The following ABCG1 variants were observed in gnomAD, a reference collection of about 807,000 sequenced individuals.
ABCG1 encodes ATP binding cassette subfamily G member 1.
Under a neutral mutation model 69.2 loss-of-function variants are expected in ABCG1, and 29 were observed. The observed-to-expected ratio is 0.42, with a 90% CI of 0.31 to 0.57. The LOEUF is 0.57. Ranked by LOEUF, ABCG1 falls within the 20% of genes least tolerant of loss-of-function variation. ABCG1 has a pLI of 0.15. For synonymous variants in ABCG1, 370 were observed against 374.8 expected (o/e 0.99, Z 0.15); for missense variants, 718 against 898.1 (o/e 0.80, Z 2.56).
At position 42,291,762 on chromosome 21, in the gene ABCG1, G is replaced by T; in HGVS notation, c.1653+106G>T. On this transcript the variant is annotated intron_variant, in intron 13 of 14. Transcript: ENST00000398449. The surrounding 1 kb of genome is among the most constrained non-coding windows in gnomAD (Gnocchi z 6.4). ...CCACCCCTTCCCCTACTTCTGCCCTGACCCTCCTAGATGGGGTCGTTCCCA... is the reference window on the plus strand; with the variant it reads ...CCACCCCTTCCCCTACTTCTGCCCTTACCCTCCTAGATGGGGTCGTTCCCA... 1 of 1,327,500 alleles carries T rather than the reference G, an allele frequency of 7.5e-7. No individual in the cohort carries two copies. Among genetic ancestry groups the T allele is most frequent in the South Asian group, 1.5e-5 (1 of 65,384 alleles). 82.2% of individuals were successfully genotyped at this position (1,327,500 alleles called of 1,614,324 possible). A position where few individuals can be genotyped will look rare whatever the true frequency, so the allele number is the denominator to read the frequency against.
chr21:42,205,620 A>G (rs2067537096), intron 2 of ABCG1, among the ~76,000 whole-genome samples: 1 of 151,432 alleles, frequency 6.6e-6, no homozygotes, highest in Non-Finnish European at 1.5e-5. Context: ...AGAAAGAAAG[A>G]AAAACAATTT....
rs750365505 is a variant in ABCG1 at position 42,288,102 on chromosome 21, G to T, written c.1122+65G>T. 2 of 1,607,004 alleles carry T rather than the reference G, an allele frequency of 1.2e-6. No individual in the cohort carries two copies. Among genetic ancestry groups the T allele is most frequent in the African/African-American group, 2.7e-5 (2 of 74,890 alleles). Reference sequence around the variant, plus strand: ...ATGCAAATCCCGAAGCCCCCTGGGGGAGGCTGCACGTGGCACCGTGCACTG... The same window carrying T: ...ATGCAAATCCCGAAGCCCCCTGGGGTAGGCTGCACGTGGCACCGTGCACTG... On this transcript the variant is annotated intron_variant, in intron 9 of 14. Transcript: ENST00000398449. This position sits in a 1 kb window ranked among gnomAD's most constrained non-coding sequence, Gnocchi z 4.8.
In ABCG1 at chr21:42,296,062, G is replaced by T. The variant is rs929772774; in HGVS notation, c.1773-102G>T. The T allele has an allele frequency of 1.4e-4, 134 of 986,738 alleles. No homozygotes were observed. The highest frequency in any genetic ancestry group is 1.9e-4 in the Non-Finnish European group (122 of 631,458). 61.1% of individuals were successfully genotyped at this position (986,738 alleles called of 1,614,324 possible). A position where few individuals can be genotyped will look rare whatever the true frequency, so the allele number is the denominator to read the frequency against. On this transcript the variant is annotated intron_variant, in intron 14 of 14. Coordinates refer to ENST00000398449, the MANE Select transcript of ABCG1 (RefSeq NM_016818.3). This position sits in a 1 kb window ranked among gnomAD's most constrained non-coding sequence, Gnocchi z 5.4. ...GGCGGCCCTTTGGGAAGGGAGGATA[G>T]CCAAGCTGGGAATCGCAGGGAGGGT...
At chr21:42,279,442 G>T (rs2068767787) in intron 5 of ABCG1, among the ~76,000 whole-genome samples, 1 of 152,142 alleles carries the variant, frequency 6.6e-6, no homozygotes, top group Admixed American at 6.5e-5. Flanking sequence ...AGCACACGGG[G>T]GAGCCCTCCA....
In ABCG1 at chr21:42,290,192, C is replaced by T. The variant is rs772406417; in HGVS notation, c.1367C>T (p.Ala456Val). ...LFFSMLFLMF[A>V]ALMPTVLTFP... ...TTCTCCATGCTGTTCCTCATGTTCGCGGCCCTCATGCCTACTGTTCTGACA... is the reference window on the plus strand; with the variant it reads ...TTCTCCATGCTGTTCCTCATGTTCGTGGCCCTCATGCCTACTGTTCTGACA... The change falls in exon 11 of 15, where the codon GCG becomes GTG. Residue 456 changes from alanine (A) to valine (V), a missense_variant. Physicochemically the swap from Ala to Val is moderately conservative, Grantham distance 64. This residue lies in a region of ABCG1 where 204 missense variants were observed against 323.8 expected (regional missense o/e 0.63). Coordinates refer to ENST00000398449, the MANE Select transcript of ABCG1 (RefSeq NM_016818.3). 4.3e-6 allele frequency: 7 copies of T among 1,614,004 alleles called. No individual in the cohort carries two copies. The highest frequency in any genetic ancestry group is 1.7e-5 in the Admixed American group (1 of 59,978).
At chr21:42,290,965 C>T (rs765305501) in intron 11 of ABCG1, 127 bp from the exon 12 acceptor site, 7 of 663,444 alleles carry the variant, frequency 1.1e-5, no homozygotes, top group Non-Finnish European at 1.9e-5. Flanking sequence ...TCTGTTTGTT[C>T]AATCTCTCAG....
Position 42,289,074 on chromosome 21 carries a change from C to T in ABCG1, c.1224+762C>T, listed in dbSNP as rs148746265. On this transcript the variant is annotated intron_variant, in intron 10 of 14. Transcript: ENST00000398449. ...ATTACAATTTGACATGAGATTTGGG[C>T]GGGGACACAGACCCAAACCATATCA... Among the ~76,000 whole-genome samples the T allele has an allele frequency of 3.6e-3, 551 of 152,300 alleles. 1 individual carries two copies. Among genetic ancestry groups the T allele is most frequent in the African/African-American group, 0.013 (528 of 41,546 alleles).
chr21:42,287,948 C>A lies in ABCG1; in HGVS notation c.1033C>A (p.Arg345=). ...DQNSRLVRAV[R]EGMCDSDHKR... is the part of the protein sequence containing the mutation. ...GAACAGTCGGCTGGTGAGAGCGGTT[C>A]GGGAGGGCATGTGTGACTCAGACCA... is the stretch of plus-strand genomic sequence containing the variant. The change falls in exon 9 of 15, where the codon CGG becomes AGG. Residue 345 remains arginine, a synonymous_variant. Transcript: ENST00000398449. This position sits in a 1 kb window ranked among gnomAD's most constrained non-coding sequence, Gnocchi z 6.2. The A allele has an allele frequency of 6.2e-7, 1 of 1,613,382 alleles. No individual in the cohort carries two copies. Among genetic ancestry groups the A allele is most frequent in the Non-Finnish European group, 8.5e-7 (1 of 1,179,622 alleles).
chr21:42,201,363 G>C (rs2032259), intron 1 of ABCG1, among the ~76,000 whole-genome samples: 26,095 of 151,964 alleles, frequency 0.17, 2,445 homozygotes, highest in East Asian at 0.24. Flanking sequence ...TCCTATGAGA[G>C]TCTAATGCCG....
At chr21:42,275,475 A>G (rs1201818370) in intron 4 of ABCG1, among the ~76,000 whole-genome samples, 2 of 152,162 alleles carry the variant, frequency 1.3e-5, no homozygotes, top group African/African-American at 4.8e-5. Context: ...TCACTGTTCC[A>G]TGTATGCCCT....
At position 42,276,888 on chromosome 21, in the gene ABCG1, C is replaced by T; in HGVS notation, c.538-7C>T. The T allele has an allele frequency of 1.2e-6, 2 of 1,614,164 alleles. No homozygotes were observed. The highest frequency in any genetic ancestry group is 1.7e-6 in the Non-Finnish European group (2 of 1,180,020). ...TGCTTCCACACTGTTGTCCTTGTCC[C>T]CTGCAGGTGTCGGCACATCTGAAGC... On this transcript the variant is annotated splice_polypyrimidine_tract_variant and splice_region_variant and intron_variant, in intron 4 of 14. Transcript: ENST00000398449. This position sits in a 1 kb window ranked among gnomAD's most constrained non-coding sequence, Gnocchi z 5.3.
At chr21:42,218,754 C>T (rs1174981325), upstream of ABCG1, among the ~76,000 whole-genome samples, 4 of 152,220 alleles carry the variant, frequency 2.6e-5, no homozygotes, top group Non-Finnish European at 4.4e-5. Flanking sequence ...AAGAAAGAAG[C>T]CCCCTGGCCC....
chr21:42,293,946 C>T (rs1306840248), intron 13 of ABCG1, among the ~76,000 whole-genome samples: 1 of 148,386 alleles, frequency 6.7e-6, no homozygotes, highest in East Asian at 2.0e-4. Context: ...CAGACACCGC[C>T]CACACCACAC....
chr21:42,291,387 T>C lies in ABCG1; in HGVS notation c.1495-111T>C, dbSNP rs1157259831. The C allele has an allele frequency of 6.9e-7, 1 of 1,449,956 alleles. No homozygotes were observed. The highest frequency in any genetic ancestry group is 9.4e-7 in the Non-Finnish European group (1 of 1,065,110). 89.8% of individuals were successfully genotyped at this position (1,449,956 alleles called of 1,614,324 possible). A position where few individuals can be genotyped will look rare whatever the true frequency, so the allele number is the denominator to read the frequency against. ...TGGGGAGTGGGGAAGGACCCGACTTTGGGAGCTCTGGCGGGAGCTGCGGGG... is the reference window on the plus strand; with the variant it reads ...TGGGGAGTGGGGAAGGACCCGACTTCGGGAGCTCTGGCGGGAGCTGCGGGG... On this transcript the variant is annotated intron_variant, in intron 12 of 14. Transcript: ENST00000398449. The surrounding 1 kb of genome is among the most constrained non-coding windows in gnomAD (Gnocchi z 6.4).
intron 14 of ABCG1, among the ~76,000 whole-genome samples, chr21:42,295,829 G>A (rs548518665): frequency 1.1e-4 from 16 of 152,280 alleles, no homozygotes; most frequent in South Asian, 8.3e-4. Context: ...GCTGGCCCAC[G>A]ATTCCCTCCA....
intron 2 of ABCG1, among the ~76,000 whole-genome samples, chr21:42,209,298 G>A (rs552055125): frequency 2.5e-4 from 38 of 152,198 alleles, no homozygotes; most frequent in Non-Finnish European, 7.3e-5. Flanking sequence ...AGGGTCCAGC[G>A]ATGGCACCTG....
At chr21:42,218,243 C>T (rs913836184), upstream of ABCG1, among the ~76,000 whole-genome samples, 1 of 152,192 alleles carries the variant, frequency 6.6e-6, no homozygotes, top group African/African-American at 2.4e-5. Context: ...TTCGTCCCAA[C>T]ATGCAAACAA....
rs1055309629 is a variant in ABCG1 at position 42,288,780 on chromosome 21, G to GA, written c.1224+474dup. On this transcript the variant is annotated intron_variant, in intron 10 of 14. Coordinates refer to ENST00000398449, the MANE Select transcript of ABCG1 (RefSeq NM_016818.3). The surrounding 1 kb of genome is among the most constrained non-coding windows in gnomAD (Gnocchi z 4.8). ...GGAAGGGAAGGGAAGGAAAGGAAAG[G>GA]AAAAAAGAAAGAAAGAAAGAAATGC... Among the ~76,000 whole-genome samples, 4 of 151,574 alleles carry GA rather than the reference G, an allele frequency of 2.6e-5. No individual in the cohort carries two copies. Among genetic ancestry groups the GA allele is most frequent in the Non-Finnish European group, 4.4e-5 (3 of 67,824 alleles).
At chr21:42,217,878 A>T (rs4920072), upstream of ABCG1, among the ~76,000 whole-genome samples, 23,687 of 151,370 alleles carry the variant, frequency 0.16, 1,994 homozygotes, top group East Asian at 0.24. Context: ...TTTTTAGTAG[A>T]GACGGGGTTT....
Sources: allele counts gnomAD v4.1 joint callset (sites outside exome capture counted in the v4.1 genomes callset), GRCh38; gene constraint gnomAD v4.1.1; regional missense constraint gnomAD v4.1.1; non-coding constraint Gnocchi (gnomAD v3.1); transcripts MANE v1.5; gene names NCBI Gene and HGNC (gene_info 2026-07-23, HGNC 2026-07-21).